The following IFT46 variants were observed in gnomAD, a reference collection of about 807,000 sequenced individuals.
IFT46 encodes intraflagellar transport 46.
IFT46 carries 19 observed loss-of-function variants against 39.6 expected under a neutral mutation model. That is an observed-to-expected ratio of 0.48 (90% CI 0.33 to 0.70). The LOEUF (loss-of-function observed/expected upper bound fraction) is 0.70, where lower values mean the gene tolerates loss of function less well. IFT46 is among the 30% of genes least tolerant of loss of function. IFT46 has a pLI of 0.01. For missense variants in IFT46, 334 were observed against 364.8 expected, an observed-to-expected ratio of 0.92 and a Z score of 0.69; for synonymous variants, 117 against 134.8, an observed-to-expected ratio of 0.87 and a Z score of 0.91.
intron 3 of IFT46, among the ~76,000 whole-genome samples, chr11:118,559,461 C>T (rs1591369113): frequency 6.6e-6 from 1 of 152,166 alleles, no homozygotes; most frequent in African/African-American, 2.4e-5. Flanking sequence ...CAGGCTTTTA[C>T]TTTTGAGATT....
At chr11:118,575,682 T>C (rs1555073407), upstream of IFT46, among the ~76,000 whole-genome samples, 1 of 152,180 alleles carries the variant, frequency 6.6e-6, no homozygotes, top group African/African-American at 2.4e-5. Flanking sequence ...GTATAAAATA[T>C]TGCGGTGAAT....
At chr11:118,562,894 T>C (rs1555070802) in intron 2 of IFT46, among the ~76,000 whole-genome samples, 1 of 152,024 alleles carries the variant, frequency 6.6e-6, no homozygotes, top group African/African-American at 2.4e-5. Flanking sequence ...TGAAACCCCG[T>C]CTCTACTAAG....
Position 118,572,612 on chromosome 11 carries a change from CGGGCCT to C in IFT46, c.-155_-150del, listed in dbSNP as rs544014864. 9 of 1,577,658 alleles carry C rather than the reference CGGGCCT, an allele frequency of 5.7e-6. No homozygotes were observed. In the African/African-American group the frequency reaches 1.2e-4, roughly 21 times the overall value. On this transcript the variant is annotated 5_prime_UTR_variant, in exon 1 of 6. Coordinates refer to the IFT46 transcript ENST00000528378. The stretch of plus-strand genomic sequence containing the variant: ...GAGCCTCACCGTCTCTCCTTGTCGG[CGGGCCT>C]GGGGCAGGGGCCGGAGGAGCCCCGC...
chr11:118,574,919 C>T (rs1040478582), upstream of IFT46, among the ~76,000 whole-genome samples: 3 of 151,992 alleles, frequency 2.0e-5, no homozygotes, highest in Non-Finnish European at 4.4e-5. Flanking sequence ...GGCATGCGGG[C>T]CTTGATTTGA....
intron 2 of IFT46, chr11:118,561,180 G>C: frequency 7.1e-7 from 1 of 1,404,826 alleles, no homozygotes; most frequent in Non-Finnish European, 1.0e-6. Flanking sequence ...ACCCTGAAGG[G>C]AGCTGTGGAT....
intron 10 of IFT46, 138 bp downstream of exon 10, chr11:118,545,655 G>A (rs748226015): frequency 5.6e-4 from 631 of 1,127,438 alleles, no homozygotes; most frequent in Non-Finnish European, 7.9e-4. Context: ...CCACCTTTGA[G>A]TGCTGCCAAA....
In IFT46 at chr11:118,551,810, C is replaced by T. The variant is rs1937651084; in HGVS notation, c.648G>A (p.Pro216=). 8.1e-6 allele frequency: 13 copies of T among 1,614,090 alleles called. No homozygotes were observed. The highest frequency in any genetic ancestry group is 1.7e-5 in the Admixed American group (1 of 59,994). The change falls in exon 9 of 12, where the codon CCG becomes CCA. Residue 216 remains proline, a synonymous_variant. Transcript: ENST00000264021. ...DIDTLMQEWS[P]EFEELLGKVS... is the part of the protein sequence containing the mutation. ...CCTTGCCCAAAAGCTCTTCAAACTCCGGGGACCATTCCTGCATCAGCGTGT... is the reference window on the plus strand; with the variant it reads ...CCTTGCCCAAAAGCTCTTCAAACTCTGGGGACCATTCCTGCATCAGCGTGT...
At chr11:118,559,009 G>A (rs1227833034) in intron 3 of IFT46, among the ~76,000 whole-genome samples, 2 of 148,870 alleles carry the variant, frequency 1.3e-5, no homozygotes, top group Non-Finnish European at 1.5e-5. Flanking sequence ...TGGGATTACA[G>A]GCACCCGCCA....
In IFT46 at chr11:118,565,540, G is replaced by A. The variant is rs1055585613; in HGVS notation, c.-133+250C>T. The A allele has an allele frequency of 2.6e-5, 4 of 151,454 alleles. No homozygotes were observed. In the South Asian group the frequency reaches 8.3e-4, roughly 32 times the overall value. 9.4% of individuals were successfully genotyped at this position (151,454 alleles called of 1,614,324 possible). A position where few individuals can be genotyped will look rare whatever the true frequency, so the allele number is the denominator to read the frequency against. On this transcript the variant is annotated intron_variant, in intron 1 of 11. Transcript: ENST00000264021. The stretch of plus-strand genomic sequence containing the variant: ...GGGTGGGAGGGTCCCCGAAGAGAGG[G>A]GAAACTCCAGTCTCTCAGTCCCATC...
At chr11:118,553,397 C>T (rs1035121848) in intron 7 of IFT46, among the ~76,000 whole-genome samples, 4 of 150,354 alleles carry the variant, frequency 2.7e-5, no homozygotes, top group East Asian at 1.9e-4. Flanking sequence ...GCCAAGATCA[C>T]GCCATTGCAC....
intron 9 of IFT46, 28 bp downstream of exon 9, chr11:118,551,758 A>T: frequency 6.3e-7 from 1 of 1,579,414 alleles, no homozygotes; most frequent in Non-Finnish European, 8.7e-7. Flanking sequence ...GTACTTTCTT[A>T]CCCTACCTCC....
chr11:118,552,548 T>G (rs954660316), intron 7 of IFT46, among the ~76,000 whole-genome samples: 3 of 152,076 alleles, frequency 2.0e-5, no homozygotes, highest in Non-Finnish European at 2.9e-5. Flanking sequence ...ATCCTAGCAC[T>G]TTGGCAGTCT....
chr11:118,557,698 C>G, intron 3 of IFT46: 2 of 1,611,418 alleles, frequency 1.2e-6, no homozygotes, highest in Non-Finnish European at 1.7e-6. Flanking sequence ...CATTCTCTCT[C>G]AAGATAAACA....
intron 8 of IFT46, 118 bp downstream of exon 8, chr11:118,552,096 C>T: frequency 7.9e-7 from 1 of 1,268,384 alleles, no homozygotes; most frequent in Non-Finnish European, 1.1e-6. Flanking sequence ...CCAGGATCCA[C>T]AGGACCTCAG....
At chr11:118,556,871 G>A (rs782260710) in intron 4 of IFT46, 35 bp downstream of exon 4, 3 of 1,504,588 alleles carry the variant, frequency 2.0e-6, no homozygotes, top group Non-Finnish European at 8.9e-7. Flanking sequence ...GAGGTATTCT[G>A]AAGAGCACCC....
upstream of IFT46, among the ~76,000 whole-genome samples, chr11:118,570,094 C>T (rs149965893): frequency 4.0e-3 from 589 of 145,944 alleles, 6 homozygotes; most frequent in African/African-American, 0.015. Flanking sequence ...TCTGTCGCCA[C>T]GCTGGAGTGC....
At chr11:118,557,991 T>C (rs1426091498) in intron 3 of IFT46, 5 of 1,101,474 alleles carry the variant, frequency 4.5e-6, no homozygotes, top group Non-Finnish European at 6.3e-6. Context: ...TGATTCCAGT[T>C]GTTTAAAATT....
At chr11:118,549,840 C>T (rs1040594633) in intron 9 of IFT46, among the ~76,000 whole-genome samples, 1 of 150,948 alleles carries the variant, frequency 6.6e-6, no homozygotes, top group Admixed American at 6.6e-5. Flanking sequence ...TTGGTTTTAA[C>T]AGAGATGGGT....
At chr11:118,555,188 T>G in intron 5 of IFT46, 60 bp downstream of exon 5, 1 of 1,549,936 alleles carries the variant, frequency 6.5e-7, no homozygotes, top group African/African-American at 1.4e-5. Context: ...AGACTAGAGA[T>G]AGGAAAGGTT....
Sources: gnomAD v4.1 joint callset for allele counts (sites outside exome capture counted in the v4.1 genomes callset) on GRCh38, gnomAD v4.1.1 for gene constraint, MANE v1.5 for transcripts, NCBI Gene and HGNC (gene_info 2026-07-23, HGNC 2026-07-21) for gene names.